The following OR56A3 variants were observed in gnomAD, a reference collection of about 807,000 sequenced individuals.
OR56A3 encodes olfactory receptor family 56 subfamily A member 3.
OR56A3 carries 23 observed loss-of-function variants against 17.5 expected under a neutral mutation model. That is an observed-to-expected ratio of 1.32 (90% CI 0.95 to 1.87). The LOEUF is 1.87. OR56A3 is among the 40% of genes most tolerant of loss of function. The pLI is 0.00. For synonymous variants in OR56A3, 175 were observed against 150.6 expected, an observed-to-expected ratio of 1.16 and a Z score of -1.19; for missense variants, 366 against 380.1, an observed-to-expected ratio of 0.96 and a Z score of 0.31.
the OR56A3 span, chr11:6,002,721 T>G: frequency 9.9e-6 from 16 of 1,614,046 alleles, no homozygotes; most frequent in Middle Eastern, 1.7e-4. Flanking sequence ...CGACCTGAGG[T>G]CAAACCAGAA....
At chr11:5,958,179 GA>G in the OR56A3 span, among the ~76,000 whole-genome samples, 5 of 151,890 alleles carry the variant, frequency 3.3e-5, no homozygotes, top group East Asian at 9.6e-4. Context: ...TTATTTTGAA[GA>G]ACAGTACTTT....
the OR56A3 span, among the ~76,000 whole-genome samples, chr11:5,977,129 G>T: frequency 6.6e-6 from 1 of 152,114 alleles, no homozygotes; most frequent in African/African-American, 2.4e-5. Flanking sequence ...GGGCATCTGG[G>T]TTGATTCCAT....
chr11:5,957,950 G>T, the OR56A3 span, among the ~76,000 whole-genome samples: 2 of 152,070 alleles, frequency 1.3e-5, no homozygotes, highest in African/African-American at 4.8e-5. Context: ...TCAGAAAAGT[G>T]GTGGCCAATG....
Position 5,947,353 on chromosome 11 carries a change from A to G in OR56A3, c.7A>G (p.Thr3Ala). The change falls in exon 3 of 3, where the codon ACA becomes GCA. Residue 3 changes from threonine (T) to alanine (A), a missense_variant. Coordinates refer to ENST00000641160, the MANE Select transcript of OR56A3 (RefSeq NM_001003443.3). ...GTAAAATATATGGGAAAATATGACAACACACCGAAATGACACCCTCTCCAC... is the reference window on the plus strand; with the variant it reads ...GTAAAATATATGGGAAAATATGACAGCACACCGAAATGACACCCTCTCCAC... MT[T>A]HRNDTLSTEA... 6.3e-7 allele frequency: 1 copy of G among 1,592,574 alleles called. No homozygotes were observed. Among genetic ancestry groups the G allele is most frequent in the Non-Finnish European group, 8.6e-7 (1 of 1,167,340 alleles).
the OR56A3 span, chr11:5,986,364 G>A: frequency 5.6e-6 from 9 of 1,613,970 alleles, no homozygotes; most frequent in South Asian, 4.4e-5. Context: ...CTATGATGGT[G>A]GCTTGGCAGA....
At chr11:5,964,993 A>T in the OR56A3 span, among the ~76,000 whole-genome samples, 3 of 152,002 alleles carry the variant, frequency 2.0e-5, no homozygotes, top group Admixed American at 6.6e-5. Flanking sequence ...GTGATCACTC[A>T]CCTGGTTTTC....
the OR56A3 span, among the ~76,000 whole-genome samples, chr11:5,989,174 C>G: frequency 6.6e-6 from 1 of 152,196 alleles, no homozygotes; most frequent in Non-Finnish European, 1.5e-5. Context: ...CATAATCTTA[C>G]AAAAATTCAC....
intron 2 of OR56A3, among the ~76,000 whole-genome samples, chr11:5,945,364 G>A (rs1279766807): frequency 1.2e-4 from 18 of 151,982 alleles, no homozygotes; most frequent in Admixed American, 1.1e-3. Flanking sequence ...CTCGAGGTCA[G>A]GAGATCGAGA....
At chr11:5,985,952 G>T in the OR56A3 span, 1 of 1,606,092 alleles carries the variant, frequency 6.2e-7, no homozygotes, top group South Asian at 1.1e-5. Flanking sequence ...CAATCCTTTT[G>T]TGTAAACACT....
At chr11:6,003,177 C>A in the OR56A3 span, 1 of 1,428,268 alleles carries the variant, frequency 7.0e-7, no homozygotes, top group Non-Finnish European at 9.5e-7. Flanking sequence ...AAGTATGTAT[C>A]ATATGCCAGC....
At chr11:6,008,842 A>G in the OR56A3 span, among the ~76,000 whole-genome samples, 1 of 152,102 alleles carries the variant, frequency 6.6e-6, no homozygotes, top group Non-Finnish European at 1.5e-5. Flanking sequence ...ATTATCCTGT[A>G]TTTATATCCT....
At chr11:5,970,331 C>A in the OR56A3 span, among the ~76,000 whole-genome samples, 1 of 152,150 alleles carries the variant, frequency 6.6e-6, no homozygotes, top group Non-Finnish European at 1.5e-5. Flanking sequence ...AATTGAAAAT[C>A]AAATGGAGTG....
chr11:5,987,858 C>T, the OR56A3 span, among the ~76,000 whole-genome samples: 6 of 152,258 alleles, frequency 3.9e-5, no homozygotes, highest in South Asian at 4.2e-4. Context: ...CCATAAACAC[C>T]TTCCCAATTC....
chr11:6,001,815 G>A, the OR56A3 span: 19 of 445,342 alleles, frequency 4.3e-5, no homozygotes, highest in Non-Finnish European at 7.0e-5. Context: ...GATTAGATCA[G>A]GAAAAATTCC....
chr11:6,020,786 G>A, the OR56A3 span: 1 of 151,992 alleles, frequency 6.6e-6, no homozygotes, highest in Non-Finnish European at 1.5e-5. Flanking sequence ...TTCTTATTTG[G>A]ATGGCCTTTA....
the OR56A3 span, chr11:5,986,467 T>G: frequency 6.2e-7 from 1 of 1,613,970 alleles, no homozygotes; most frequent in South Asian, 1.1e-5. Flanking sequence ...GACCCCTGGA[T>G]GCAGGATTGT....
At chr11:6,010,711 T>A in the OR56A3 span, among the ~76,000 whole-genome samples, 36,873 of 152,064 alleles carry the variant, frequency 0.24, 5,911 homozygotes, top group East Asian at 0.78. Context: ...AGACATTTCA[T>A]ACTAATTTCT....
At chr11:5,943,040 A>G (rs1196672513) in intron 1 of OR56A3, among the ~76,000 whole-genome samples, 1 of 152,330 alleles carries the variant, frequency 6.6e-6, no homozygotes, top group East Asian at 1.9e-4. Context: ...CCTAAGCCCT[A>G]GTGTGCCATT....
the OR56A3 span, among the ~76,000 whole-genome samples, chr11:5,976,897 G>A: frequency 1.2e-4 from 18 of 152,102 alleles, no homozygotes; most frequent in South Asian, 2.1e-4. Context: ...AGGCCCCAGC[G>A]TCTATTGTTC....
Sources: allele counts gnomAD v4.1 joint callset (sites outside exome capture counted in the v4.1 genomes callset), GRCh38; gene constraint gnomAD v4.1.1; transcripts MANE v1.5; gene names NCBI Gene and HGNC (gene_info 2026-07-23, HGNC 2026-07-21).